JPH2: variants seen among roughly 807,000 people sequenced by gnomAD.
The protein encoded by JPH2 is junctophilin 2, also known as junctophilin-2.
JPH2 carries 38 observed loss-of-function variants against 55.9 expected under a neutral mutation model. That is an observed-to-expected ratio of 0.68 (90% CI 0.52 to 0.89). The LOEUF (loss-of-function observed/expected upper bound fraction) is 0.89. Ranked by LOEUF, JPH2 falls within the 40% of genes least tolerant of loss-of-function variation. The probability of loss-of-function intolerance (pLI) is 0.00; values close to 1 mark genes in which losing one functional copy is unlikely to be tolerated. For missense variants in JPH2, 964 were observed against 1,037.6 expected, an observed-to-expected ratio of 0.93 and a Z score of 0.97; for synonymous variants, 480 against 472.4, an observed-to-expected ratio of 1.02 and a Z score of -0.21.
intron 2 of JPH2, among the ~76,000 whole-genome samples, chr20:44,126,188 AAGGG>A (rs761816219): frequency 0.13 from 12,553 of 95,480 alleles, 1,389 homozygotes; most frequent in Admixed American, 0.25. Flanking sequence ...GGAAGGAAGG[AAGGG>A]AGGAAGGAAG....
At chr20:44,126,420 G>A (rs1209862236) in intron 2 of JPH2, among the ~76,000 whole-genome samples, 3 of 152,132 alleles carry the variant, frequency 2.0e-5, no homozygotes, top group African/African-American at 7.2e-5. Context: ...GGTGATTACA[G>A]GGAAAATGCT....
At chr20:44,164,331 A>G (rs1468314532) in intron 1 of JPH2, among the ~76,000 whole-genome samples, 2 of 152,218 alleles carry the variant, frequency 1.3e-5, no homozygotes, top group East Asian at 3.8e-4. Context: ...TTCAAATATC[A>G]TCTAAGCTGG....
chr20:44,185,270 G>A (rs4812794), intron 1 of JPH2, among the ~76,000 whole-genome samples: 56,766 of 151,986 alleles, frequency 0.37, 11,080 homozygotes, highest in Admixed American at 0.53. Context: ...TTGTGCCACC[G>A]CACTTCAGCC....
Position 44,116,097 on chromosome 20 carries a change from C to T in JPH2, c.1578G>A (p.Pro526=), listed in dbSNP as rs1425684614. ...GGCTGCGGCGGCCCGCGCCCTCGGA[C>T]GGAGTGACTGACCGGCTGCCCTCAC... ...PSGEGSRSVT[P]SEGAGRRSPA... Residue 526 remains proline (P), a synonymous_variant, in exon 4 of 6, where the codon CCG becomes CCA. Transcript: ENST00000372980. The T allele has an allele frequency of 2.7e-6, 4 of 1,499,762 alleles. No individual in the cohort carries two copies. The highest frequency in any genetic ancestry group is 2.6e-5 in the East Asian group (1 of 38,850). 92.9% of individuals were successfully genotyped at this position (1,499,762 alleles called of 1,614,324 possible).
chr20:44,112,237 C>A lies in JPH2; in HGVS notation c.*1281G>T, dbSNP rs2072151256. ...ACAGCAGCAGTTCCCTCTGGCTCAG[C>A]TTGGATGCCACGTCCTTCCCCAGGC... is the stretch of plus-strand genomic sequence containing the variant. On this transcript the variant is annotated 3_prime_UTR_variant, in exon 6 of 6. Transcript: ENST00000372980. 6.6e-6 allele frequency: 1 copy of A among 152,292 alleles called. No individual in the cohort carries two copies. Among genetic ancestry groups the A allele is most frequent in the Non-Finnish European group, 1.5e-5 (1 of 68,086 alleles). The allele number at this position is 152,292 out of a possible 1,614,324, so 9.4% of individuals were successfully genotyped here. A position where few individuals can be genotyped will look rare whatever the true frequency, so the allele number is the denominator to read the frequency against.
intron 2 of JPH2, among the ~76,000 whole-genome samples, chr20:44,119,741 G>A (rs1227828283): frequency 6.6e-6 from 1 of 152,004 alleles, no homozygotes; most frequent in Non-Finnish European, 1.5e-5. Flanking sequence ...GGGCATGGTG[G>A]CGGGCGCCTG....
chr20:44,166,912 TC>T (rs1260916095), intron 1 of JPH2, among the ~76,000 whole-genome samples: 1 of 151,978 alleles, frequency 6.6e-6, no homozygotes, highest in Admixed American at 6.6e-5. Context: ...ACGGGGGAGA[TC>T]CCCAACAGCC....
At chr20:44,162,660 G>A (rs1397765461) in intron 1 of JPH2, among the ~76,000 whole-genome samples, 1 of 149,536 alleles carries the variant, frequency 6.7e-6, no homozygotes, top group African/African-American at 2.5e-5. Flanking sequence ...TTTGGGACTC[G>A]GACTGGCTTC....
intron 2 of JPH2, among the ~76,000 whole-genome samples, chr20:44,132,646 C>A (rs1425606247): frequency 7.1e-6 from 1 of 141,344 alleles, no homozygotes; most frequent in African/African-American, 2.6e-5. Context: ...TCTCACCCAC[C>A]CCCACCGTCC....
chr20:44,155,499 A>C (rs934849443), intron 2 of JPH2, among the ~76,000 whole-genome samples: 1 of 152,200 alleles, frequency 6.6e-6, no homozygotes, highest in African/African-American at 2.4e-5. Flanking sequence ...ATATAGGTAG[A>C]TATTCCCCCC....
At chr20:44,145,959 G>C (rs145199981) in intron 2 of JPH2, among the ~76,000 whole-genome samples, 1 of 151,876 alleles carries the variant, frequency 6.6e-6, no homozygotes, top group Non-Finnish European at 1.5e-5. Context: ...AAGGAAGCAC[G>C]CTGGGTCTTT....
chr20:44,161,220 A>G (rs1394403094), intron 1 of JPH2, among the ~76,000 whole-genome samples: 2 of 152,136 alleles, frequency 1.3e-5, no homozygotes, highest in Non-Finnish European at 2.9e-5. Context: ...AGAACAAAGT[A>G]ATATGTAGCA....
At chr20:44,128,149 C>T (rs1210604373) in intron 2 of JPH2, among the ~76,000 whole-genome samples, 1 of 152,048 alleles carries the variant, frequency 6.6e-6, no homozygotes, top group Non-Finnish European at 1.5e-5. Flanking sequence ...GTCACTTGTG[C>T]TTTTGTCATA....
intron 5 of JPH2, 71 bp downstream of exon 5, chr20:44,114,711 C>T: frequency 8.7e-7 from 1 of 1,152,284 alleles, no homozygotes; most frequent in Non-Finnish European, 1.3e-6. Flanking sequence ...TCCCTCCTCC[C>T]ACCACCCTGG....
At chr20:44,178,621 T>G (rs929492868) in intron 1 of JPH2, among the ~76,000 whole-genome samples, 1 of 152,182 alleles carries the variant, frequency 6.6e-6, no homozygotes, top group Non-Finnish European at 1.5e-5. Flanking sequence ...TTTGTTTTTG[T>G]TTTTGAGACA....
rs1432629834 is a variant in JPH2, at chr20:44,186,697, C to T, written c.9G>A (p.Gly3=). 1 of 1,599,284 alleles carries T rather than the reference C, an allele frequency of 6.3e-7. No homozygotes were observed. Among genetic ancestry groups the T allele is most frequent in the Non-Finnish European group, 8.5e-7 (1 of 1,179,572 alleles). The change falls in exon 1 of 6, where the codon GGG becomes GGA. Residue 3 remains glycine (G), a synonymous_variant. Transcript: ENST00000372980. MS[G]GRFDFDDGGA... Reference sequence around the variant, plus strand: ...CTCCATCATCAAAGTCGAAGCGGCCCCCACTCATCTCATCATAGCCCCTGA... The same window carrying T: ...CTCCATCATCAAAGTCGAAGCGGCCTCCACTCATCTCATCATAGCCCCTGA...
Position 44,109,570 on chromosome 20 carries a change from G to C in JPH2, c.*3948C>G, listed in dbSNP as rs1204037694. 6.6e-6 allele frequency among the ~76,000 whole-genome samples: 1 copy of C among 152,226 alleles called. No individual in the cohort carries two copies. The highest frequency in any genetic ancestry group is 1.5e-5 in the Non-Finnish European group (1 of 68,048). The stretch of plus-strand genomic sequence containing the variant: ...CTCCATTGAGTGTACCAGCAAGACA[G>C]GCTGAGAGAGTGAGGGAGTGGGAAC... On this transcript the variant is annotated 3_prime_UTR_variant, in exon 6 of 6. Transcript: ENST00000372980.
intron 3 of JPH2, among the ~76,000 whole-genome samples, chr20:44,117,371 C>T (rs1440183851): frequency 6.6e-6 from 1 of 152,238 alleles, no homozygotes; most frequent in Non-Finnish European, 1.5e-5. Context: ...CAGATCTCTA[C>T]CAAGGCCGGG....
intron 1 of JPH2, among the ~76,000 whole-genome samples, chr20:44,175,383 T>C (rs940203468): frequency 1.3e-5 from 2 of 152,240 alleles, no homozygotes; most frequent in Non-Finnish European, 2.9e-5. Flanking sequence ...GTCTCATAAA[T>C]TAACAGTCCC....
Sources: gnomAD v4.1 joint callset for allele counts (sites outside exome capture counted in the v4.1 genomes callset) on GRCh38, gnomAD v4.1.1 for gene constraint, MANE v1.5 for transcripts, NCBI Gene and HGNC (gene_info 2026-07-23, HGNC 2026-07-21) for gene names.